The following TTN variants were observed in gnomAD, a reference collection of about 807,000 sequenced individuals.
TTN encodes connectin.
In TTN, 1,525 loss-of-function variants were observed where a neutral mutation model predicts 3,223.0. That is an observed-to-expected ratio of 0.47 (90% CI 0.45 to 0.49). The LOEUF (loss-of-function observed/expected upper bound fraction) is 0.49. Among genes scored for constraint, TTN ranks in the 20% least tolerant of loss-of-function variants. The pLI is 0.00. For missense variants in TTN, 40,786 were observed against 43,424.0 expected (o/e 0.94, Z 5.40); for synonymous variants, 14,094 against 15,161.0 (o/e 0.93, Z 5.17).
In TTN at chr2:178,711,352, G is replaced by A; in HGVS notation, c.27887-3C>T. Reference sequence around the variant, plus strand: ...AAATGATGGTGGAAGTTTTTGCTCTGTAGGAACAGAATAAAAGTAACAAAT... The same window carrying A: ...AAATGATGGTGGAAGTTTTTGCTCTATAGGAACAGAATAAAAGTAACAAAT... On this transcript the variant is annotated splice_polypyrimidine_tract_variant and splice_region_variant and intron_variant, in intron 96 of 362. Coordinates refer to ENST00000589042, the MANE Select transcript of TTN (RefSeq NM_001267550.2). The A allele has an allele frequency of 6.3e-7, 1 of 1,590,962 alleles. No homozygotes were observed. Among genetic ancestry groups the A allele is most frequent in the Non-Finnish European group, 8.6e-7 (1 of 1,168,318 alleles).
rs576866299 is a variant in TTN, at chr2:178,678,862, A to G, written c.33743-32T>C. 1.2e-5 allele frequency: 18 copies of G among 1,549,226 alleles called. No homozygotes were observed. The East Asian group carries it at 3.6e-4, about 31-fold the overall frequency. On this transcript the variant is annotated intron_variant, in intron 142 of 362. Transcript: ENST00000589042. ...AGATATCAAATAGAGTTAGTGTCAC[A>G]TTTTTTACCCATAGCTAAGATTTTA...
intron 11 of TTN, among the ~76,000 whole-genome samples, 169 bp from the exon 12 acceptor site, chr2:178,790,284 G>A (rs1348318209): frequency 6.6e-6 from 1 of 152,086 alleles, no homozygotes; most frequent in African/African-American, 2.4e-5. Context: ...CTGTTTCACT[G>A]GCAAAAATAT....
In TTN at chr2:178,770,139, C is replaced by G; in HGVS notation, c.8562G>C (p.Gln2854His). 1 of 1,614,116 alleles carries G rather than the reference C, an allele frequency of 6.2e-7. No individual in the cohort carries two copies. Residue 2854 changes from glutamine to histidine, a missense_variant, in exon 36 of 363, where the codon CAG becomes CAC. Physicochemically the swap from Gln to His is conservative, Grantham distance 24 (BLOSUM62 0). Coordinates refer to ENST00000589042, the MANE Select transcript of TTN (RefSeq NM_001267550.2). Reference sequence around the variant, plus strand: ...CCCCAGCATCTGAGGGGGAGATGTTCTGCAGCATCAGCTTGTGGACTTTCC... The same window carrying G: ...CCCCAGCATCTGAGGGGGAGATGTTGTGCAGCATCAGCTTGTGGACTTTCC... ...SERKVHKLML[Q>H]NISPSDAGEY...
chr2:178,764,770 T>C lies in TTN; in HGVS notation c.9745A>G (p.Thr3249Ala), dbSNP rs2090055572. 4 of 1,613,800 alleles carry C rather than the reference T, an allele frequency of 2.5e-6. No homozygotes were observed. Among genetic ancestry groups the C allele is most frequent in the Non-Finnish European group, 3.4e-6 (4 of 1,179,918 alleles). The change falls in exon 42 of 363, where the codon ACT becomes GCT. Residue 3249 changes from threonine to alanine, a missense_variant. By Grantham distance (58) the Thr-to-Ala change is moderately conservative. Coordinates refer to ENST00000589042, the MANE Select transcript of TTN (RefSeq NM_001267550.2). Reference protein sequence around the residue: ...PQVLQELQPVTVQSGKPARFC... With the variant: ...PQVLQELQPVAVQSGKPARFC... ...CGGGCAGGCTTGCCAGACTGCACAGTGACAGGCTGGAGCTCCTGCAGAACT... is the reference window on the plus strand; with the variant it reads ...CGGGCAGGCTTGCCAGACTGCACAGCGACAGGCTGGAGCTCCTGCAGAACT...
rs561651614 is a variant in TTN, at chr2:178,571,750, A to T, written c.74382T>A (p.Ala24794=). 6.2e-7 allele frequency: 1 copy of T among 1,613,422 alleles called. No homozygotes were observed. Among genetic ancestry groups the T allele is most frequent in the South Asian group, 1.1e-5 (1 of 91,044 alleles). The change falls in exon 326 of 363, where the codon GCT becomes GCA. Residue 24794 remains alanine, a synonymous_variant. Transcript: ENST00000589042. ...GHYVVKLTNS[A]GEAIETLNVI... is the part of the protein sequence containing the mutation. ...CATTAAGGGTTTCAATAGCTTCACC[A>T]GCTGAGTTAGTCAGTTTAACCACAT...
rs371485481 is a variant in TTN at position 178,559,647 on chromosome 2, T to C, written c.86485A>G (p.Asn28829Asp). 2.5e-6 allele frequency: 4 copies of C among 1,613,526 alleles called. No homozygotes were observed. In the Admixed American group the frequency reaches 5.0e-5, roughly 20 times the overall value. The change falls in exon 326 of 363, where the codon AAT becomes GAT. Residue 28829 changes from asparagine to aspartate, a missense_variant. Asn to Asp is a conservative substitution (Grantham distance 23). Transcript: ENST00000589042. ...GTCAGTGAAGCAGCACTCAAAACAT[T>C]CTGAATTGTTAATGTGTACTTTCCA... ...DSGKYTLTIQ[N>D]VLSAASLTLV...
intron 1 of TTN, among the ~76,000 whole-genome samples, chr2:178,806,396 G>A (rs766685598): frequency 1.2e-4 from 19 of 152,296 alleles, no homozygotes; most frequent in Non-Finnish European, 2.5e-4. Flanking sequence ...AGAAATCAAA[G>A]TGTATTTAGA....
intron 98 of TTN, among the ~76,000 whole-genome samples, 156 bp from the exon 99 acceptor site, chr2:178,710,012 CCTT>C (rs1282167052): frequency 6.6e-6 from 1 of 152,210 alleles, no homozygotes; most frequent in African/African-American, 2.4e-5. Context: ...ATTTCAGCCT[CCTT>C]CTACGAGCTT....
Position 178,614,748 on chromosome 2 carries a change from G to T in TTN, c.48766C>A (p.Pro16256Thr), listed in dbSNP as rs750232795. 1 of 1,606,106 alleles carries T rather than the reference G, an allele frequency of 6.2e-7. No individual in the cohort carries two copies. The highest frequency in any genetic ancestry group is 8.5e-7 in the Non-Finnish European group (1 of 1,176,156). ...EIQAVDTQEAPEIFLDVKLLA... is the reference protein window; with the variant it reads ...EIQAVDTQEATEIFLDVKLLA... ...AGCTTCACATCGAGGAAGATTTCTG[G>T]GGCCTCTGAATTGGAAAAGATTATT... The change falls in exon 261 of 363, where the codon CCA becomes ACA. Residue 16256 changes from proline to threonine, a missense_variant. Coordinates refer to ENST00000589042, the MANE Select transcript of TTN (RefSeq NM_001267550.2).
intron 336 of TTN, 106 bp downstream of exon 336, chr2:178,550,861 C>A: frequency 9.7e-7 from 1 of 1,030,426 alleles, no homozygotes; most frequent in Non-Finnish European, 1.4e-6. Flanking sequence ...ACTTAGCAAC[C>A]TTGGGTAATT....
chr2:178,620,599 G>C lies in TTN; in HGVS notation c.45922C>G (p.Leu15308Val). ...EEEDLRIVEP[L>V]KDIETMEKKS... ...TTCTCCATTGTTTCAATATCTTTAA[G>C]AGGCTCAACAATCCTAAGGTCTTCC... The change falls in exon 248 of 363, where the codon CTT (leucine) becomes GTT (valine). Residue 15308 changes from leucine to valine, a missense_variant. Coordinates refer to ENST00000589042, the MANE Select transcript of TTN (RefSeq NM_001267550.2). 6.2e-7 allele frequency: 1 copy of C among 1,610,004 alleles called. No homozygotes were observed. The highest frequency in any genetic ancestry group is 2.2e-5 in the East Asian group (1 of 44,562).
chr2:178,669,695 T>C lies in TTN; in HGVS notation c.35387-20A>G, dbSNP rs2066627103. 6.2e-7 allele frequency: 1 copy of C among 1,606,910 alleles called. No individual in the cohort carries two copies. Among genetic ancestry groups the C allele is most frequent in the Non-Finnish European group, 8.5e-7 (1 of 1,175,722 alleles). On this transcript the variant is annotated intron_variant, in intron 157 of 362. Transcript: ENST00000589042. Reference sequence around the variant, plus strand: ...CGGGTGCTTTAAAGATATTTATTTATCTTATTTTTTCAGAACATTATAGTT... The same window carrying C: ...CGGGTGCTTTAAAGATATTTATTTACCTTATTTTTTCAGAACATTATAGTT...
At chr2:178,694,562 A>G (rs2154281804) in intron 117 of TTN, 37 bp downstream of exon 117, 1 of 1,510,614 alleles carries the variant, frequency 6.6e-7, no homozygotes, top group East Asian at 2.5e-5. Flanking sequence ...TAAATAAAAA[A>G]ATTTTGAACT....
At chr2:178,640,010 A>G in intron 222 of TTN, 38 bp downstream of exon 222, 1 of 1,606,942 alleles carries the variant, frequency 6.2e-7, no homozygotes, top group Non-Finnish European at 8.5e-7. Flanking sequence ...TGAATACAGA[A>G]AGAATATGCT....
Position 178,702,074 on chromosome 2 carries a change from A to AT in TTN, c.30512-9dup. ...TCAGCTCAAGTTTGATTTCTGCAAA[A>AT]TAAAAAAAAAATGATATTTTTGTGT... On this transcript the variant is annotated splice_polypyrimidine_tract_variant and intron_variant, in intron 108 of 362. Transcript: ENST00000589042. 6.2e-7 allele frequency: 1 copy of AT among 1,606,458 alleles called. No homozygotes were observed. Among genetic ancestry groups the AT allele is most frequent in the Non-Finnish European group, 8.5e-7 (1 of 1,178,172 alleles).
chr2:178,678,243 C>A (rs750411963), intron 144 of TTN, 35 bp from the exon 145 acceptor site: 4 of 1,574,364 alleles, frequency 2.5e-6, no homozygotes, highest in Non-Finnish European at 3.4e-6. Context: ...GGAATATGTT[C>A]TTTTAAAATG....
Position 178,597,549 on chromosome 2 carries a change from A to G in TTN, c.57533T>C (p.Val19178Ala). 3 of 1,611,278 alleles carry G rather than the reference A, an allele frequency of 1.9e-6. No homozygotes were observed. Among genetic ancestry groups the G allele is most frequent in the Non-Finnish European group, 1.7e-6 (2 of 1,178,900 alleles). Residue 19178 changes from valine to alanine, a missense_variant, in exon 294 of 363, where the codon GTT (valine) becomes GCT (alanine). Coordinates refer to ENST00000589042, the MANE Select transcript of TTN (RefSeq NM_001267550.2). Reference protein sequence around the residue: ...EAGERKKTIIVDVLDVPGPVG... With the variant: ...EAGERKKTIIADVLDVPGPVG... ...TTGAAAGTATTTACCTAATACATCA[A>G]CAATAATTGTCTTCTTTCTTTCTCC...
At position 178,590,275 on chromosome 2, in the gene TTN, C is replaced by A; in HGVS notation, c.61450G>T (p.Asp20484Tyr). The change falls in exon 304 of 363, where the codon GAT becomes TAT. Residue 20484 changes from aspartate to tyrosine, a missense_variant. Asp to Tyr is a radical substitution (Grantham distance 160). Coordinates refer to ENST00000589042, the MANE Select transcript of TTN (RefSeq NM_001267550.2). ...TGGCCTACTCTCACGGTAATAACAT[C>A]ACGACAAGTAACATCAAGTTCTACT... Reference protein sequence around the residue: ...PEVELDVTCRDVITVRVGQTI... With the variant: ...PEVELDVTCRYVITVRVGQTI... 6.4e-7 allele frequency: 1 copy of A among 1,573,744 alleles called. No individual in the cohort carries two copies. The highest frequency in any genetic ancestry group is 8.6e-7 in the Non-Finnish European group (1 of 1,160,426).
In TTN at chr2:178,664,054, C is replaced by T; in HGVS notation, c.36325G>A (p.Val12109Met). The change falls in exon 169 of 363, where the codon GTG (valine) becomes ATG (methionine). Residue 12109 changes from valine (V) to methionine (M), a missense_variant. Coordinates refer to ENST00000589042, the MANE Select transcript of TTN (RefSeq NM_001267550.2). ...ACTTCAGGCTTTTTAGGAGGCACCA[C>T]CGACACTTTCTTTTCAGGGATAATC... ...KEIIPEKKVS[V>M]VPPKKPEVPP... 1 of 1,613,192 alleles carries T rather than the reference C, an allele frequency of 6.2e-7. No homozygotes were observed. Among genetic ancestry groups the T allele is most frequent in the Non-Finnish European group, 8.5e-7 (1 of 1,179,750 alleles).
Sources: allele counts gnomAD v4.1 joint callset (sites outside exome capture counted in the v4.1 genomes callset), GRCh38; gene constraint gnomAD v4.1.1; transcripts MANE v1.5; gene names NCBI Gene and HGNC (gene_info 2026-07-23, HGNC 2026-07-21).